The following DNAH3 variants were observed in gnomAD, a reference collection of about 807,000 sequenced individuals.
The protein encoded by DNAH3 is axonemal beta dynein heavy chain 3.
In DNAH3, 332 loss-of-function variants were observed where a neutral mutation model predicts 432.5. That is an observed-to-expected ratio of 0.77 (90% CI 0.70 to 0.84). The LOEUF (loss-of-function observed/expected upper bound fraction) is 0.84, where lower values mean the gene tolerates loss of function less well. Ranked by LOEUF, DNAH3 falls within the 40% of genes least tolerant of loss-of-function variation. DNAH3 has a pLI of 0.00. For synonymous variants in DNAH3, 1,956 were observed against 1,900.2 expected, an observed-to-expected ratio of 1.03 and a Z score of -0.76; for missense variants, 4,861 against 5,114.0, an observed-to-expected ratio of 0.95 and a Z score of 1.51.
At chr16:21,000,178 A>T in intron 43 of DNAH3, 46 bp downstream of exon 43, 1 of 1,580,506 alleles carries the variant, frequency 6.3e-7, no homozygotes. Flanking sequence ...GCTGCAGCTT[A>T]TGGTGGAAGA....
chr16:21,142,022 C>T (rs570907491), intron 3 of DNAH3, among the ~76,000 whole-genome samples: 1 of 151,884 alleles, frequency 6.6e-6, no homozygotes, highest in East Asian at 1.9e-4. Context: ...CACTGCACTC[C>T]ATACTGGGCG....
At chr16:21,060,526 C>CTTTTTTTTTTTTT (rs375746116) in intron 25 of DNAH3, among the ~76,000 whole-genome samples, 170 bp from the exon 26 acceptor site, 21 of 93,396 alleles carry the variant, frequency 2.2e-4, no homozygotes, top group Non-Finnish European at 2.9e-4. Context: ...TTTTTTTTTT[C>CTTTTTTTTTTTTT]TTTTTTTTTT....
chr16:21,058,960 A>C (rs1311677593), intron 26 of DNAH3, among the ~76,000 whole-genome samples: 1 of 152,148 alleles, frequency 6.6e-6, no homozygotes, highest in Non-Finnish European at 1.5e-5. Flanking sequence ...CCTATGTAAC[A>C]GACCTGCATG....
Position 21,036,852 on chromosome 16 carries a change from T to C in DNAH3, c.4951-4A>G, listed in dbSNP as rs1037809361. Reference sequence around the variant, plus strand: ...GAAATAAATCAGATATAATTCCCTGTTAAAAAGAATTTAAAAGAAAGTGGA... The same window carrying C: ...GAAATAAATCAGATATAATTCCCTGCTAAAAAGAATTTAAAAGAAAGTGGA... On this transcript the variant is annotated splice_region_variant and splice_polypyrimidine_tract_variant and intron_variant, in intron 34 of 61. Coordinates refer to ENST00000261383, the Ensembl canonical transcript of DNAH3. 1.1e-5 allele frequency: 17 copies of C among 1,603,702 alleles called. No individual in the cohort carries two copies. The highest frequency in any genetic ancestry group is 1.4e-5 in the Non-Finnish European group (16 of 1,172,988).
At chr16:21,085,266 A>G (rs545002096) in intron 19 of DNAH3, among the ~76,000 whole-genome samples, 10 of 152,138 alleles carry the variant, frequency 6.6e-5, no homozygotes, top group East Asian at 1.9e-4. Flanking sequence ...TATCCCAGCC[A>G]GGCACGGTGG....
intron 54 of DNAH3, among the ~76,000 whole-genome samples, chr16:20,955,647 G>A (rs905442953): frequency 6.6e-6 from 1 of 152,032 alleles, no homozygotes; most frequent in African/African-American, 2.4e-5. Flanking sequence ...TTGCAACAGA[G>A]ACAATATGGC....
intron 38 of DNAH3, among the ~76,000 whole-genome samples, chr16:21,026,629 A>AGGCAGAG (rs1407055813): frequency 7.2e-6 from 1 of 138,082 alleles, no homozygotes; most frequent in Non-Finnish European, 1.5e-5. Context: ...TGAACCTGGG[A>AGGCAGAG]GGCAGAGGTT....
At chr16:21,106,177 TAA>T (rs767198150) in intron 15 of DNAH3, among the ~76,000 whole-genome samples, 36 of 97,566 alleles carry the variant, frequency 3.7e-4, no homozygotes, top group Admixed American at 1.7e-3. Flanking sequence ...AGACTCCATC[TAA>T]AAAAAAAAAA....
Position 21,146,195 on chromosome 16 carries a change from G to A in DNAH3, c.118-107C>T, listed in dbSNP as rs56810431. 3,925 of 666,976 alleles carry A rather than the reference G, an allele frequency of 5.9e-3. 123 individuals carry two copies. In the African/African-American group the frequency reaches 0.062, roughly 11 times the overall value. The allele number at this position is 666,976 out of a possible 1,614,324, so 41.3% of individuals were successfully genotyped here. On this transcript the variant is annotated intron_variant, in intron 1 of 61. Transcript: ENST00000261383. ...CCCCAGGAAAAGTTTTAGGTCCAGAGTTCTGGACCTAAAACAAAACACTCC... is the reference window on the plus strand; with the variant it reads ...CCCCAGGAAAAGTTTTAGGTCCAGAATTCTGGACCTAAAACAAAACACTCC...
chr16:20,988,104 C>T (rs777066233), intron 44 of DNAH3, 39 bp from the exon 45 acceptor site: 2 of 1,609,888 alleles, frequency 1.2e-6, no homozygotes, highest in Non-Finnish European at 1.7e-6. Flanking sequence ...TCCTGGAAAA[C>T]ACATATTCTC....
intron 57 of DNAH3, among the ~76,000 whole-genome samples, chr16:20,947,389 T>C (rs1484769387): frequency 6.6e-6 from 1 of 152,220 alleles, no homozygotes; most frequent in Non-Finnish European, 1.5e-5. Flanking sequence ...AGTATTTCTC[T>C]GAGTTCTGTG....
At position 20,936,640 on chromosome 16, in the gene DNAH3, C is replaced by G; in HGVS notation, c.11859+9G>C. On this transcript the variant is annotated intron_variant, in intron 60 of 61. Coordinates refer to ENST00000261383, the Ensembl canonical transcript of DNAH3. ...GCCAGGTTCCCGGTTACCCCTGACT[C>G]CCAGGTACCTGGAAGAAGGTCAGGC... The G allele has an allele frequency of 6.3e-7, 1 of 1,584,120 alleles. No individual in the cohort carries two copies. The highest frequency in any genetic ancestry group is 8.6e-7 in the Non-Finnish European group (1 of 1,164,014).
At chr16:20,944,388 G>T in intron 58 of DNAH3, 108 bp downstream of exon 58, 3 of 1,328,250 alleles carry the variant, frequency 2.3e-6, no homozygotes, top group South Asian at 1.3e-5. Context: ...CCAGGAGGCT[G>T]CCAGGCCCCC....
chr16:20,962,397 C>A (rs115760089), intron 53 of DNAH3, among the ~76,000 whole-genome samples: 1 of 152,086 alleles, frequency 6.6e-6, no homozygotes, highest in South Asian at 2.1e-4. Flanking sequence ...CATTGTGAGG[C>A]TTCTTTAAAC....
At chr16:20,982,907 T>A in exon 49 of DNAH3, 1 of 1,613,038 alleles carries the variant, frequency 6.2e-7, no homozygotes, top group Non-Finnish European at 8.5e-7. Context: ...GGAGATTTTG[T>A]TAATTACCTT....
At chr16:21,019,597 G>A in intron 41 of DNAH3, 27 bp downstream of exon 41, 1 of 1,612,982 alleles carries the variant, frequency 6.2e-7, no homozygotes, top group Non-Finnish European at 8.5e-7. Context: ...TATTATACTA[G>A]AACATAACAA....
intron 14 of DNAH3, among the ~76,000 whole-genome samples, chr16:21,108,482 G>A (rs1002088558): frequency 2.6e-5 from 4 of 151,032 alleles, no homozygotes; most frequent in African/African-American, 4.9e-5. Flanking sequence ...GGTGGCTCAC[G>A]CCTGTAATCC....
At chr16:21,070,069 T>C (rs1185756866) in intron 22 of DNAH3, among the ~76,000 whole-genome samples, 1 of 152,200 alleles carries the variant, frequency 6.6e-6, no homozygotes, top group African/African-American at 2.4e-5. Context: ...CCTTAGCCTA[T>C]GTCACTGCTA....
At chr16:21,140,421 T>C (rs963351032) in intron 5 of DNAH3, 115 bp downstream of exon 6, 14 of 1,122,164 alleles carry the variant, frequency 1.2e-5, no homozygotes, top group Non-Finnish European at 1.6e-5. Context: ...GTCTAGACTT[T>C]GGTGTTTTTC....
Sources: allele counts gnomAD v4.1 joint callset (sites outside exome capture counted in the v4.1 genomes callset), GRCh38; gene constraint gnomAD v4.1.1; transcripts MANE v1.5; gene names NCBI Gene and HGNC (gene_info 2026-07-23, HGNC 2026-07-21).